The following CACNA1A variants were observed in gnomAD, a reference collection of about 807,000 sequenced individuals.
The protein encoded by CACNA1A is calcium voltage-gated channel subunit alpha1 A, also known as voltage-dependent P/Q-type calcium channel subunit alpha-1A.
In CACNA1A, 57 loss-of-function variants were observed where a neutral mutation model predicts 262.4. The ratio of observed to expected loss-of-function variants is 0.22; its 90% confidence interval spans 0.18 to 0.27. The LOEUF is 0.27. CACNA1A is among the 10% of genes least tolerant of loss of function. The pLI is 1.00. For missense variants in CACNA1A, 2,526 were observed against 3,562.8 expected, an observed-to-expected ratio of 0.71 and a Z score of 7.41; for synonymous variants, 1,431 against 1,419.3, an observed-to-expected ratio of 1.01 and a Z score of -0.18.
At chr19:13,459,750 C>T (rs996927683) in intron 1 of CACNA1A, among the ~76,000 whole-genome samples, 6 of 152,220 alleles carry the variant, frequency 3.9e-5, no homozygotes, top group East Asian at 1.9e-4. Flanking sequence ...CCCACTCCTC[C>T]GGTTCCCTGG....
At chr19:13,361,489 G>A (rs1364522550) in intron 5 of CACNA1A, among the ~76,000 whole-genome samples, 3 of 152,168 alleles carry the variant, frequency 2.0e-5, no homozygotes, top group African/African-American at 7.2e-5. Context: ...CCGTGGCATT[G>A]TCGGACAAGA....
Position 13,234,737 on chromosome 19 carries a change from ACCGGAAGAGAAGGGCACGCCCC to A in CACNA1A, c.5249+162_5249+183del. On this transcript the variant is annotated intron_variant, in intron 34 of 46. Transcript: ENST00000360228. ...GGAAGAGAAGGCCGGCACGTCCCCTACCGGAAGAGAAGGGCACGCCCCCTACCGGAAAAGAAGGGTGAGGGCG... is the reference window on the plus strand; with the variant it reads ...GGAAGAGAAGGCCGGCACGTCCCCTACTACCGGAAAAGAAGGGTGAGGGCG... 4 of 407,350 alleles carry A rather than the reference ACCGGAAGAGAAGGGCACGCCCC, an allele frequency of 9.8e-6. No homozygotes were observed. The Admixed American group carries it at 1.5e-4, about 16-fold the overall frequency. The allele number at this position is 407,350 out of a possible 1,614,324, so 25.2% of individuals were successfully genotyped here.
intron 6 of CACNA1A, among the ~76,000 whole-genome samples, chr19:13,336,125 C>A (rs1034183142): frequency 1.3e-5 from 2 of 152,140 alleles, no homozygotes; most frequent in Admixed American, 6.5e-5. Context: ...ATTATGTTCT[C>A]CTCACATAAC....
intron 6 of CACNA1A, among the ~76,000 whole-genome samples, chr19:13,342,217 T>TG (rs1186845355): frequency 5.7e-5 from 7 of 122,550 alleles, no homozygotes; most frequent in Non-Finnish European, 1.2e-4. Context: ...GGTTTGGGGG[T>TG]GGGGGTGGGT....
intron 22 of CACNA1A, among the ~76,000 whole-genome samples, chr19:13,281,379 T>TAAA (rs753890670): frequency 2.9e-5 from 3 of 102,818 alleles, no homozygotes; most frequent in African/African-American, 3.7e-5. Flanking sequence ...CATTGTCTCT[T>TAAA]AAAAAAAAAA....
At chr19:13,377,490 G>A (rs1361038292) in intron 3 of CACNA1A, among the ~76,000 whole-genome samples, 1 of 151,010 alleles carries the variant, frequency 6.6e-6, no homozygotes, top group African/African-American at 2.4e-5. Flanking sequence ...AGCCTCCCAA[G>A]TGGCTGGGAT....
At chr19:13,253,400 T>C (rs2056454819) in intron 29 of CACNA1A, among the ~76,000 whole-genome samples, 1 of 150,294 alleles carries the variant, frequency 6.7e-6, no homozygotes, top group Non-Finnish European at 1.5e-5. Flanking sequence ...AGCCTCCTGA[T>C]AGTCGGGACT....
chr19:13,393,809 CCTCTCTCTCT>C lies in CACNA1A; in HGVS notation c.540-22040_540-22031del, dbSNP rs150142387. Among the ~76,000 whole-genome samples the C allele has an allele frequency of 6.8e-5, 7 of 102,628 alleles. No homozygotes were observed. In the East Asian group the frequency reaches 1.1e-3, roughly 16 times the overall value. 67.3% of individuals were successfully genotyped at this position (102,628 alleles called of 152,430 possible). ...TCCTTCCTTCCTTCCCTCCCTCCTT[CCTCTCTCTCT>C]CTCTCTCTCTCTCTCTCTTCCCCTC... On this transcript the variant is annotated intron_variant, in intron 3 of 46. Coordinates refer to ENST00000360228, the MANE Select transcript of CACNA1A (RefSeq NM_001127222.2).
intron 36 of CACNA1A, among the ~76,000 whole-genome samples, chr19:13,228,004 C>A (rs1343021575): frequency 6.6e-6 from 1 of 150,676 alleles, no homozygotes; most frequent in Non-Finnish European, 1.5e-5. Flanking sequence ...GCCTCCACCT[C>A]CTGGGCTCAA....
chr19:13,230,513 G>T (rs950122921), intron 35 of CACNA1A, among the ~76,000 whole-genome samples: 1 of 151,980 alleles, frequency 6.6e-6, no homozygotes, highest in Non-Finnish European at 1.5e-5. Context: ...GATACAAAGA[G>T]ACAAAGACTG....
At chr19:13,417,959 T>TCC (rs1405598455) in intron 3 of CACNA1A, among the ~76,000 whole-genome samples, 2 of 150,526 alleles carry the variant, frequency 1.3e-5, no homozygotes, top group African/African-American at 4.9e-5. Context: ...GCCAGCCCTG[T>TCC]CCCCTGTCAA....
chr19:13,417,601 C>T (rs1187778769), intron 3 of CACNA1A, among the ~76,000 whole-genome samples: 1 of 152,120 alleles, frequency 6.6e-6, no homozygotes, highest in East Asian at 1.9e-4. Context: ...AAAAGAGAAC[C>T]ATAGTTGCCC....
chr19:13,207,683 C>G lies in CACNA1A; in HGVS notation c.7151G>C (p.Arg2384Pro). The G allele has an allele frequency of 1.4e-6, 2 of 1,420,674 alleles. No homozygotes were observed. Among genetic ancestry groups the G allele is most frequent in the Non-Finnish European group, 1.8e-6 (2 of 1,086,512 alleles). 88.0% of individuals were successfully genotyped at this position (1,420,674 alleles called of 1,614,324 possible). A position where few individuals can be genotyped will look rare whatever the true frequency, so the allele number is the denominator to read the frequency against. The part of the protein sequence containing the change: ...PARSESPRAC[R>P]HGGARWPASG... ...TGCCGGCCACCGGGCCCCGCCGTGT[C>G]GACAGGCCCTGGGGGACTCGCTCCG... The change falls in exon 47 of 47, where the codon CGA (arginine) becomes CCA (proline). Residue 2384 changes from arginine to proline, a missense_variant. Physicochemically the swap from Arg to Pro is moderately radical, Grantham distance 103. Coordinates refer to ENST00000360228, the MANE Select transcript of CACNA1A (RefSeq NM_001127222.2). The surrounding 1 kb of genome is among the most constrained non-coding windows in gnomAD (Gnocchi z 5.7).
At chr19:13,318,569 G>T (rs2058178304) in intron 10 of CACNA1A, among the ~76,000 whole-genome samples, 1 of 152,148 alleles carries the variant, frequency 6.6e-6, no homozygotes, top group Non-Finnish European at 1.5e-5. Flanking sequence ...GGTGAGGACG[G>T]GAGCTGGGAG....
At chr19:13,425,808 C>A (rs1274220582) in intron 3 of CACNA1A, among the ~76,000 whole-genome samples, 1 of 152,164 alleles carries the variant, frequency 6.6e-6, no homozygotes, top group African/African-American at 2.4e-5. Flanking sequence ...GTAATCCCAG[C>A]ACTTTGGGGG....
At chr19:13,347,309 T>C (rs1309338658) in intron 6 of CACNA1A, among the ~76,000 whole-genome samples, 1 of 152,040 alleles carries the variant, frequency 6.6e-6, no homozygotes, top group African/African-American at 2.4e-5. Flanking sequence ...GGGATCCTCC[T>C]GCCTCAGCCT....
chr19:13,251,314 T>A (rs1433466925), intron 30 of CACNA1A, among the ~76,000 whole-genome samples: 1 of 151,848 alleles, frequency 6.6e-6, no homozygotes, highest in Non-Finnish European at 1.5e-5. Flanking sequence ...AAACCCCATC[T>A]CTACTAAAAA....
At chr19:13,327,033 C>T (rs988212791) in intron 10 of CACNA1A, among the ~76,000 whole-genome samples, 2 of 151,822 alleles carry the variant, frequency 1.3e-5, no homozygotes, top group African/African-American at 4.8e-5. Flanking sequence ...GGACTACTGG[C>T]GTGTGCCACA....
chr19:13,412,382 G>A (rs2060125776), intron 3 of CACNA1A, among the ~76,000 whole-genome samples: 1 of 152,026 alleles, frequency 6.6e-6, no homozygotes, highest in South Asian at 2.1e-4. Context: ...GCATTGACAA[G>A]CATATGGTGA....
Sources: gnomAD v4.1 joint callset for allele counts (sites outside exome capture counted in the v4.1 genomes callset) on GRCh38, gnomAD v4.1.1 for gene constraint, Gnocchi (gnomAD v3.1) non-coding constraint, MANE v1.5 for transcripts, NCBI Gene and HGNC (gene_info 2026-07-23, HGNC 2026-07-21) for gene names.